The following IQCE variants were observed in gnomAD, a reference collection of about 807,000 sequenced individuals.
The protein encoded by IQCE is IQ motif containing E.
IQCE carries 115 observed loss-of-function variants against 96.0 expected under a neutral mutation model. The ratio of observed to expected loss-of-function variants is 1.20; its 90% confidence interval spans 1.03 to 1.40. IQCE has a LOEUF of 1.40. Ranked by LOEUF, IQCE falls within the 40% of genes most tolerant of loss-of-function variation. IQCE has a pLI of 0.00. For missense variants in IQCE, 1,041 were observed against 909.1 expected (o/e 1.15, Z -1.87); for synonymous variants, 412 against 371.2 (o/e 1.11, Z -1.26).
intron 8 of IQCE, among the ~76,000 whole-genome samples, chr7:2,580,895 C>CA (rs761446532): frequency 6.6e-6 from 1 of 152,124 alleles, no homozygotes; most frequent in Non-Finnish European, 1.5e-5. Flanking sequence ...GTGGCCAGGT[C>CA]AGAGTATTTT....
In IQCE at chr7:2,574,247, G is replaced by A. The variant is rs540885167; in HGVS notation, c.465+759G>A. On this transcript the variant is annotated intron_variant, in intron 6 of 21. Coordinates refer to ENST00000402050, the MANE Select transcript of IQCE (RefSeq NM_152558.5). ...TCTCCACCAGTTGATGTGTGTCTGA[G>A]ACACTGCGTTCAGTTGGGGCACCAG... Among the ~76,000 whole-genome samples, 4 of 152,352 alleles carry A rather than the reference G, an allele frequency of 2.6e-5. No individual in the cohort carries two copies. The South Asian group carries it at 8.3e-4, about 32-fold the overall frequency.
At chr7:2,603,544 T>C (rs1784584012) in intron 18 of IQCE, among the ~76,000 whole-genome samples, 2 of 152,234 alleles carry the variant, frequency 1.3e-5, no homozygotes, top group South Asian at 4.1e-4. Context: ...GCTGCCTGTG[T>C]GGGGCTGTGG....
chr7:2,567,814 G>A (rs1781490341), intron 2 of IQCE, among the ~76,000 whole-genome samples: 1 of 152,232 alleles, frequency 6.6e-6, no homozygotes, highest in South Asian at 2.1e-4. Context: ...ACTCAAGGGG[G>A]AGCCTCAGCT....
At chr7:2,559,312 G>A (rs1019008099) in intron 1 of IQCE, 95 bp downstream of exon 1, 19 of 678,190 alleles carry the variant, frequency 2.8e-5, no homozygotes, top group African/African-American at 2.5e-4. Context: ...GCAGGGGCCG[G>A]CCCGGGGCGT....
intron 1 of IQCE, among the ~76,000 whole-genome samples, chr7:2,565,438 T>C (rs529939582): frequency 1.9e-4 from 29 of 152,306 alleles, no homozygotes; most frequent in African/African-American, 7.0e-4. Flanking sequence ...GTGAGATCAA[T>C]GCATTTTGTT....
intron 1 of IQCE, among the ~76,000 whole-genome samples, chr7:2,559,831 A>T (rs1013409949): frequency 7.1e-6 from 1 of 141,248 alleles, no homozygotes; most frequent in Non-Finnish European, 1.5e-5. Flanking sequence ...TCAGAAAGTG[A>T]GAAGTGCTGT....
At chr7:2,583,574 C>G (rs1782842942) in intron 9 of IQCE, 63 bp from the exon 10 acceptor site, 2 of 1,290,510 alleles carry the variant, frequency 1.5e-6, no homozygotes. Flanking sequence ...GGAAACTCTT[C>G]CTCTTGCTCT....
chr7:2,589,342 A>G (rs1225108089), intron 13 of IQCE, among the ~76,000 whole-genome samples: 1 of 152,144 alleles, frequency 6.6e-6, no homozygotes, highest in Non-Finnish European at 1.5e-5. Flanking sequence ...CCTAGGTGAC[A>G]GAGCCAGACC....
chr7:2,597,298 G>C (rs1191819407), intron 16 of IQCE, among the ~76,000 whole-genome samples: 2 of 152,254 alleles, frequency 1.3e-5, no homozygotes, highest in Non-Finnish European at 2.9e-5. Context: ...AGGCGATTCT[G>C]AGTATGGGCA....
rs1785201880 is a variant in IQCE at position 2,613,995 on chromosome 7, A to G, written c.*3833A>G. 1.3e-5 allele frequency: 2 copies of G among 152,378 alleles called. No homozygotes were observed. Among genetic ancestry groups the G allele is most frequent in the Admixed American group, 1.3e-4 (2 of 15,306 alleles). 9.4% of individuals were successfully genotyped at this position (152,378 alleles called of 1,614,324 possible). On this transcript the variant is annotated 3_prime_UTR_variant, in exon 22 of 22. Coordinates refer to ENST00000402050, the MANE Select transcript of IQCE (RefSeq NM_152558.5). Reference sequence around the variant, plus strand: ...TTTGTCTGTGTATTAAGAAGAGACTAAAATAGCCAAACGACGCTGGTCGCA... The same window carrying G: ...TTTGTCTGTGTATTAAGAAGAGACTGAAATAGCCAAACGACGCTGGTCGCA...
At chr7:2,591,496 T>A (rs1783583346) in intron 14 of IQCE, among the ~76,000 whole-genome samples, 1 of 152,042 alleles carries the variant, frequency 6.6e-6, no homozygotes, top group South Asian at 2.1e-4. Flanking sequence ...TGACTGCCCC[T>A]CAGAGTGGCC....
chr7:2,601,893 A>G (rs924972380), intron 18 of IQCE: 19 of 184,806 alleles, frequency 1.0e-4, no homozygotes, highest in African/African-American at 3.6e-4. Flanking sequence ...AACGTTAAGT[A>G]TAAAATACAT....
intron 5 of IQCE, 122 bp downstream of exon 5, chr7:2,572,448 C>T: frequency 3.5e-6 from 4 of 1,135,318 alleles, no homozygotes; most frequent in Non-Finnish European, 3.7e-6. Context: ...AGCTCCGTCA[C>T]TGGGAGGTTT....
intron 14 of IQCE, among the ~76,000 whole-genome samples, chr7:2,590,917 T>A (rs1260648214): frequency 6.6e-6 from 1 of 152,116 alleles, no homozygotes; most frequent in African/African-American, 2.4e-5. Context: ...TTCAGTAATA[T>A]GTTTATGGGG....
intron 1 of IQCE, among the ~76,000 whole-genome samples, chr7:2,562,894 G>A (rs911929882): frequency 1.3e-4 from 19 of 148,694 alleles, no homozygotes; most frequent in Non-Finnish European, 4.5e-5. Flanking sequence ...GCTACAAATT[G>A]CCCTCTAAAC....
intron 15 of IQCE, 73 bp from the exon 16 acceptor site, chr7:2,594,813 C>T: frequency 9.0e-7 from 1 of 1,108,510 alleles, no homozygotes; most frequent in Non-Finnish European, 1.4e-6. Flanking sequence ...ACCGCCCGCC[C>T]CACCCTGCCC....
chr7:2,588,944 C>T (rs753729118), intron 13 of IQCE, among the ~76,000 whole-genome samples: 9 of 152,052 alleles, frequency 5.9e-5, no homozygotes, highest in Non-Finnish European at 1.0e-4. Flanking sequence ...GGATTACAGT[C>T]GTGAGCCACC....
chr7:2,580,988 C>T (rs918353584), intron 8 of IQCE, among the ~76,000 whole-genome samples: 3 of 152,062 alleles, frequency 2.0e-5, no homozygotes, highest in Admixed American at 6.5e-5. Context: ...GGACTACAGG[C>T]GCCCGCCACC....
chr7:2,564,024 A>G (rs1229575959), intron 1 of IQCE, among the ~76,000 whole-genome samples: 1 of 151,826 alleles, frequency 6.6e-6, no homozygotes, highest in Admixed American at 6.6e-5. Context: ...CCTGGCCAAC[A>G]TAGTGAAACC....
Sources: gnomAD v4.1 joint callset for allele counts (sites outside exome capture counted in the v4.1 genomes callset) on GRCh38, gnomAD v4.1.1 for gene constraint, MANE v1.5 for transcripts, NCBI Gene and HGNC (gene_info 2026-07-23, HGNC 2026-07-21) for gene names.